Variants in ERCC6L observed in about 807,000 individuals in gnomAD.
The protein encoded by ERCC6L is ERCC excision repair 6 like, spindle assembly checkpoint helicase.
ERCC6L carries 7 observed loss-of-function variants against 20.1 expected under a neutral mutation model. The observed-to-expected ratio is 0.35, with a 90% CI of 0.20 to 0.65. ERCC6L has a LOEUF of 0.65. Ranked by LOEUF, ERCC6L falls within the 30% of genes least tolerant of loss-of-function variation. ERCC6L has a pLI of 0.69. For synonymous variants in ERCC6L, 278 were observed against 331.3 expected, an observed-to-expected ratio of 0.84 and a Z score of 1.75; for missense variants, 592 against 892.4, an observed-to-expected ratio of 0.66 and a Z score of 4.29.
rs906110569 is a variant in ERCC6L, at chrX:72,223,586, G to A, written c.69-14888C>T. The stretch of plus-strand genomic sequence containing the variant: ...GTATTTTTAGTAGAGACGGGGTTTC[G>A]CCATGTTGGTCAGGCTGGTCTCAAA... On this transcript the variant is annotated intron_variant, in intron 1 of 1. Transcript: ENST00000334463. 1.8e-4 allele frequency among the ~76,000 whole-genome samples: 20 copies of A among 109,549 alleles called. 1 individual carries two copies. The highest frequency in any genetic ancestry group is 6.0e-4 in the African/African-American group (18 of 30,140).
Position 72,208,172 on chromosome X carries a change from T to C in ERCC6L, c.595A>G (p.Ile199Val), listed in dbSNP as rs2042831596. 1 of 1,211,982 alleles carries C rather than the reference T, an allele frequency of 8.3e-7. No individual in the cohort carries two copies. Among genetic ancestry groups the C allele is most frequent in the Non-Finnish European group, 1.1e-6 (1 of 895,583 alleles). ...TTGATTAACATTTGGTATGTAGTGA[T>C]AATAACACCATTCCTTTGCTGAATC... ...NRIQQRNGVI[I>V]TTYQMLINNW... The change falls in exon 2 of 2, where the codon ATC (isoleucine) becomes GTC (valine). Residue 199 changes from isoleucine to valine, a missense_variant. By Grantham distance (29) the Ile-to-Val change is conservative (BLOSUM62 3). Around this residue, in one of 3 missense-constraint regions of ERCC6L, gnomAD observed 196 missense variants for 440.1 expected, o/e 0.45. Transcript: ENST00000334463.
At chrX:72,235,389 CTTTTTT>C (rs144267277) in intron 1 of ERCC6L, among the ~76,000 whole-genome samples, 2 of 68,570 alleles carry the variant, frequency 2.9e-5, no homozygotes, top group Non-Finnish European at 2.5e-5. Context: ...CCCTCTTCCA[CTTTTTT>C]TTTTTTTTTT....
At chrX:72,235,105 A>C (rs1273183069) in intron 1 of ERCC6L, among the ~76,000 whole-genome samples, 5 of 112,213 alleles carry the variant, frequency 4.5e-5, no homozygotes, top group African/African-American at 1.6e-4. Context: ...CAAATGTTAA[A>C]ACAACACAAA....
At chrX:72,211,659 A>G (rs2042854810) in intron 1 of ERCC6L, among the ~76,000 whole-genome samples, 2 of 110,862 alleles carry the variant, frequency 1.8e-5, no homozygotes, top group South Asian at 7.6e-4. Context: ...ACACACCTGT[A>G]GTCAGTCCCA....
chrX:72,208,566 C>T lies in ERCC6L; in HGVS notation c.201G>A (p.Leu67=). Residue 67 remains leucine (L), a synonymous_variant, in exon 2 of 2, where the codon TTG becomes TTA. Transcript: ENST00000334463. ...LSRIQKIQEA[L]EELAEQGDDE... ...CATCTCCCTGTTCTGCCAACTCCTC[C>T]AAGGCTTCCTGTATTTTTTGGATTC... 1 of 1,211,820 alleles carries T rather than the reference C, an allele frequency of 8.3e-7. No homozygotes were observed. Among genetic ancestry groups the T allele is most frequent in the Non-Finnish European group, 1.1e-6 (1 of 895,486 alleles).
At position 72,238,971 on chromosome X, in the gene ERCC6L, T is replaced by C. The variant is rs2043034756; in HGVS notation, c.-60A>G. The C allele has an allele frequency of 4.9e-6, 5 of 1,027,042 alleles. No homozygotes were observed. The highest frequency in any genetic ancestry group is 4.0e-6 in the Non-Finnish European group (3 of 747,368). 84.6% of individuals were successfully genotyped at this position (1,027,042 alleles called of 1,213,427 possible). A position where few individuals can be genotyped will look rare whatever the true frequency, so the allele number is the denominator to read the frequency against. Reference sequence around the variant, plus strand: ...AGTTTGGAGCTTGGAGCTTGGAGCTTGGAGCTTGGAGCTTAGAGTTTGGAG... The same window carrying C: ...AGTTTGGAGCTTGGAGCTTGGAGCTCGGAGCTTGGAGCTTAGAGTTTGGAG... On this transcript the variant is annotated 5_prime_UTR_variant, in exon 1 of 2. Transcript: ENST00000334463.
intron 1 of ERCC6L, among the ~76,000 whole-genome samples, chrX:72,237,441 A>T (rs1374122511): frequency 9.0e-6 from 1 of 111,070 alleles, no homozygotes; most frequent in Admixed American, 9.6e-5. Flanking sequence ...TACCAAAAAT[A>T]CAAAAAATTA....
In ERCC6L at chrX:72,204,855, C is replaced by A; in HGVS notation, c.*159G>T. On this transcript the variant is annotated 3_prime_UTR_variant, in exon 2 of 2. Coordinates refer to ENST00000334463, the MANE Select transcript of ERCC6L (RefSeq NM_017669.4). ...AATATTAAGCTAGTGCTCAGAATAC[C>A]AGACTATGGAGTGGGGGGCGTTGCA... 2.7e-6 allele frequency: 1 copy of A among 372,960 alleles called. No homozygotes were observed. The highest frequency in any genetic ancestry group is 4.2e-5 in the East Asian group (1 of 23,557). 30.7% of individuals were successfully genotyped at this position (372,960 alleles called of 1,213,427 possible).
intron 1 of ERCC6L, among the ~76,000 whole-genome samples, chrX:72,213,356 C>T (rs138818599): frequency 0.011 from 1,192 of 111,853 alleles, 5 homozygotes; most frequent in Non-Finnish European, 0.017. Context: ...AATCATATAT[C>T]GCCCGAGAGC....
chrX:72,232,074 G>A (rs56741049), intron 1 of ERCC6L, among the ~76,000 whole-genome samples: 13,051 of 108,557 alleles, frequency 0.12, 1,038 homozygotes, highest in East Asian at 0.48. Flanking sequence ...GCGAGACCCT[G>A]TCTCTAAAAA....
At position 72,207,144 on chromosome X, in the gene ERCC6L, G is replaced by A. The variant is rs781419143; in HGVS notation, c.1623C>T (p.Val541=). 4 of 1,209,282 alleles carry A rather than the reference G, an allele frequency of 3.3e-6. No homozygotes were observed. In the Admixed American group the frequency reaches 6.6e-5, roughly 20 times the overall value. The change falls in exon 2 of 2, where the codon GTC becomes GTT. Residue 541 remains valine (V), a synonymous_variant. Transcript: ENST00000334463. ...VFLLTTQVGG[V]GLTLTAATRV... is the part of the protein sequence containing the mutation. ...TAGTTGCTGCAGTTAATGTTAAACC[G>A]ACACCACCTACTTGAGTGGTAAGCA...
chrX:72,229,228 G>A (rs1602450392), intron 1 of ERCC6L, among the ~76,000 whole-genome samples: 1 of 110,954 alleles, frequency 9.0e-6, no homozygotes, highest in South Asian at 3.8e-4. Flanking sequence ...CAACGCAACC[G>A]TACTATCATT....
rs770702617 is a variant in ERCC6L at position 72,207,256 on chromosome X, A to G, written c.1511T>C (p.Leu504Ser). The part of the protein sequence containing the change: ...RLLKNRHFKT[L>S]RIDGTVTHLL... ...ATGAGTAACTGTCCCATCGATTCGC[A>G]ATGTCTTAAAGTGCCTATTCTTTAA... The change falls in exon 2 of 2, where the codon TTG becomes TCG. Residue 504 changes from leucine to serine, a missense_variant. Around this residue, in one of 3 missense-constraint regions of ERCC6L, gnomAD observed 196 missense variants for 440.1 expected, o/e 0.45. Transcript: ENST00000334463. 1 of 1,210,058 alleles carries G rather than the reference A, an allele frequency of 8.3e-7. No individual in the cohort carries two copies. The highest frequency in any genetic ancestry group is 1.1e-6 in the Non-Finnish European group (1 of 895,248).
intron 1 of ERCC6L, among the ~76,000 whole-genome samples, chrX:72,211,374 TA>T (rs1199553166): frequency 9.1e-6 from 1 of 110,417 alleles, no homozygotes; most frequent in African/African-American, 3.3e-5. Flanking sequence ...AGTGCTAGAG[TA>T]TGGGGTGAAA....
chrX:72,236,377 C>A (rs1225063464), intron 1 of ERCC6L, among the ~76,000 whole-genome samples: 1 of 111,609 alleles, frequency 9.0e-6, no homozygotes. Flanking sequence ...CAGCTCGCTG[C>A]AACCTCCGCC....
At chrX:72,218,994 G>A (rs76279490) in intron 1 of ERCC6L, among the ~76,000 whole-genome samples, 3 of 112,765 alleles carry the variant, frequency 2.7e-5, no homozygotes, top group Admixed American at 9.4e-5. Flanking sequence ...AGTGGCCCAC[G>A]CCTGTGATCC....
intron 1 of ERCC6L, among the ~76,000 whole-genome samples, chrX:72,223,951 G>A (rs942497474): frequency 9.0e-6 from 1 of 110,816 alleles, no homozygotes; most frequent in African/African-American, 3.3e-5. Flanking sequence ...AAAATGGACT[G>A]TGCCCAATGG....
intron 1 of ERCC6L, among the ~76,000 whole-genome samples, chrX:72,236,318 A>G (rs372341776): frequency 9.1e-6 from 1 of 110,384 alleles, no homozygotes; most frequent in South Asian, 3.9e-4. Context: ...TTTTTTTCTG[A>G]GACGGAGTCT....
chrX:72,231,142 T>C (rs1470530329), intron 1 of ERCC6L, among the ~76,000 whole-genome samples: 2 of 112,251 alleles, frequency 1.8e-5, no homozygotes, highest in East Asian at 5.6e-4. Flanking sequence ...TGCAGCATTA[T>C]TCATAGTAGC....
Sources: allele counts gnomAD v4.1 joint callset (sites outside exome capture counted in the v4.1 genomes callset), GRCh38; gene constraint gnomAD v4.1.1; regional missense constraint gnomAD v4.1.1; transcripts MANE v1.5; gene names NCBI Gene and HGNC (gene_info 2026-07-23, HGNC 2026-07-21).